Variants in ALCAM observed in about 807,000 individuals in gnomAD.
ALCAM encodes activated leukocyte cell adhesion molecule.
In ALCAM, 30 loss-of-function variants were observed where a neutral mutation model predicts 70.9. The ratio of observed to expected loss-of-function variants is 0.42; its 90% confidence interval spans 0.32 to 0.57. The LOEUF (loss-of-function observed/expected upper bound fraction) is 0.57. ALCAM is among the 20% of genes least tolerant of loss of function. ALCAM has a pLI of 0.11. For missense variants in ALCAM, 591 were observed against 695.1 expected, an observed-to-expected ratio of 0.85 and a Z score of 1.68; for synonymous variants, 249 against 242.5, an observed-to-expected ratio of 1.03 and a Z score of -0.25.
chr3:105,418,486 C>T (rs1480215951), intron 1 of ALCAM, among the ~76,000 whole-genome samples: 1 of 151,262 alleles, frequency 6.6e-6, no homozygotes. Flanking sequence ...TTTTTACTAC[C>T]ATGAGATTTA....
chr3:105,496,586 C>T (rs189297407), intron 1 of ALCAM, among the ~76,000 whole-genome samples: 2 of 152,246 alleles, frequency 1.3e-5, no homozygotes, highest in Non-Finnish European at 2.9e-5. Flanking sequence ...CTGGACTTGT[C>T]GTACCAGTCA....
At chr3:105,479,727 C>T (rs774547190) in intron 1 of ALCAM, among the ~76,000 whole-genome samples, 17 of 152,196 alleles carry the variant, frequency 1.1e-4, no homozygotes, top group Middle Eastern at 6.8e-3. Flanking sequence ...CCAGTTCATT[C>T]GCATCTGCTT....
At chr3:105,563,680 T>TTTTTTTTTTC (rs1559658219) in intron 14 of ALCAM, among the ~76,000 whole-genome samples, 5 of 98,328 alleles carry the variant, frequency 5.1e-5, no homozygotes, top group African/African-American at 2.3e-4. Flanking sequence ...TTTTTTTTTT[T>TTTTTTTTTTC]TTTTTTTTTT....
chr3:105,389,768 G>T (rs1935763081), intron 1 of ALCAM, among the ~76,000 whole-genome samples: 1 of 149,434 alleles, frequency 6.7e-6, no homozygotes, highest in Admixed American at 6.7e-5. Context: ...CCCATTGTGT[G>T]TTGTCCCCCT....
At chr3:105,503,196 C>A (rs560396360) in intron 1 of ALCAM, among the ~76,000 whole-genome samples, 18 of 152,298 alleles carry the variant, frequency 1.2e-4, no homozygotes, top group Middle Eastern at 3.4e-3. Context: ...CCTAACACCA[C>A]CAGAGTTAAT....
intron 1 of ALCAM, among the ~76,000 whole-genome samples, chr3:105,373,078 A>G (rs1576116731): frequency 6.6e-6 from 1 of 152,216 alleles, no homozygotes; most frequent in African/African-American, 2.4e-5. Flanking sequence ...TTTTTATTAC[A>G]TCATATGAGT....
intron 1 of ALCAM, among the ~76,000 whole-genome samples, chr3:105,447,443 A>C (rs1450408399): frequency 6.6e-6 from 1 of 152,194 alleles, no homozygotes; most frequent in Non-Finnish European, 1.5e-5. Context: ...TCTCACCTGT[A>C]ATCTCAGCAC....
intron 1 of ALCAM, among the ~76,000 whole-genome samples, chr3:105,486,324 C>T (rs1167315607): frequency 6.6e-6 from 1 of 152,096 alleles, no homozygotes. Context: ...GCCTACTGTA[C>T]TCAGCTATTT....
intron 1 of ALCAM, among the ~76,000 whole-genome samples, chr3:105,452,240 C>A (rs1937446260): frequency 6.6e-6 from 1 of 151,978 alleles, no homozygotes; most frequent in Non-Finnish European, 1.5e-5. Flanking sequence ...CCCAACAGGC[C>A]CTAGTATGTG....
chr3:105,497,208 A>G (rs1218220673), intron 1 of ALCAM, among the ~76,000 whole-genome samples: 1 of 152,204 alleles, frequency 6.6e-6, no homozygotes, highest in Non-Finnish European at 1.5e-5. Flanking sequence ...TTAAAAGGTC[A>G]CAGAATATAC....
At chr3:105,400,469 A>G (rs1464687820) in intron 1 of ALCAM, among the ~76,000 whole-genome samples, 3 of 152,214 alleles carry the variant, frequency 2.0e-5, no homozygotes, top group Non-Finnish European at 4.4e-5. Flanking sequence ...GAACTTTAAT[A>G]GACTGAGCAT....
rs1935090881 is a variant in ALCAM at position 105,367,440 on chromosome 3, T to G, written c.32T>G (p.Leu11Arg). The G allele has an allele frequency of 6.2e-7, 1 of 1,614,014 alleles. No individual in the cohort carries two copies. Among genetic ancestry groups the G allele is most frequent in the Admixed American group, 1.7e-5 (1 of 60,016 alleles). ...TCCAAGGGGGCCAGTTCCTGCCGTC[T>G]GCTCTTCTGCCTCTTGATCTCCGCC... is the stretch of plus-strand genomic sequence containing the variant. The part of the protein sequence containing the change: MESKGASSCR[L>R]LFCLLISATV... Residue 11 changes from leucine to arginine, a missense_variant, in exon 1 of 16, where the codon CTG becomes CGG. By Grantham distance (102) the Leu-to-Arg change is moderately radical. This residue lies in a region of ALCAM where 427 missense variants were observed against 450.4 expected (regional missense o/e 0.95). Coordinates refer to ENST00000306107, the MANE Select transcript of ALCAM (RefSeq NM_001627.4).
chr3:105,525,476 A>C (rs1478562181), intron 3 of ALCAM: 1 of 502,510 alleles, frequency 2.0e-6, no homozygotes, highest in East Asian at 1.5e-4. Flanking sequence ...CCAGTCTTTC[A>C]GTCTTTTTTA....
chr3:105,504,260 T>C (rs1015030305), intron 1 of ALCAM, among the ~76,000 whole-genome samples: 6 of 152,210 alleles, frequency 3.9e-5, no homozygotes, highest in Non-Finnish European at 8.8e-5. Context: ...CCTATCGCAG[T>C]GTCTTGTGCT....
Position 105,513,122 on chromosome 3 carries a change from AT to A in ALCAM, c.74-6940del, listed in dbSNP as rs1328764333. On this transcript the variant is annotated intron_variant, in intron 1 of 15. Coordinates refer to ENST00000306107, the MANE Select transcript of ALCAM (RefSeq NM_001627.4). ...TTCCCACGCATACAGAGCATGAAGT[AT>A]TTTTAAATGTTTTTTATTTAAGTTT... is the stretch of plus-strand genomic sequence containing the variant. Among the ~76,000 whole-genome samples, 15 of 145,962 alleles carry A rather than the reference AT, an allele frequency of 1.0e-4. No homozygotes were observed. The East Asian group carries it at 3.1e-3, about 30-fold the overall frequency.
At chr3:105,452,384 C>T (rs919890685) in intron 1 of ALCAM, among the ~76,000 whole-genome samples, 3 of 152,164 alleles carry the variant, frequency 2.0e-5, no homozygotes, top group Admixed American at 6.6e-5. Flanking sequence ...TCATCCATGT[C>T]CCTGCAAAGG....
chr3:105,573,845 G>A (rs780132147), intron 15 of ALCAM, among the ~76,000 whole-genome samples: 14 of 152,178 alleles, frequency 9.2e-5, no homozygotes, highest in Non-Finnish European at 1.6e-4. Context: ...AGTAAGGATG[G>A]AGCGTGAGAA....
intron 1 of ALCAM, among the ~76,000 whole-genome samples, chr3:105,414,118 G>A (rs1251118293): frequency 2.0e-5 from 3 of 151,942 alleles, no homozygotes; most frequent in African/African-American, 7.3e-5. Context: ...TGCATAAATG[G>A]TCGAGTGCAG....
chr3:105,563,320 A>C (rs1466999446), intron 14 of ALCAM, among the ~76,000 whole-genome samples: 1 of 149,294 alleles, frequency 6.7e-6, no homozygotes, highest in Admixed American at 6.7e-5. Flanking sequence ...TATCTTTCTT[A>C]GTCTTTATAG....
Sources: gnomAD v4.1 joint callset for allele counts (sites outside exome capture counted in the v4.1 genomes callset) on GRCh38, gnomAD v4.1.1 for gene constraint, gnomAD v4.1.1 regional missense constraint, MANE v1.5 for transcripts, NCBI Gene and HGNC (gene_info 2026-07-23, HGNC 2026-07-21) for gene names.